NAV2: variants seen among roughly 807,000 people sequenced by gnomAD.
NAV2 encodes the protein helicase, APC down-regulated 1.
Under a neutral mutation model 223.2 loss-of-function variants are expected in NAV2, and 54 were observed. The observed-to-expected ratio is 0.24, with a 90% CI of 0.19 to 0.30. The LOEUF (loss-of-function observed/expected upper bound fraction) is 0.30, where lower values mean the gene tolerates loss of function less well. NAV2 is among the 10% of genes least tolerant of loss of function. The pLI, the probability that NAV2 is intolerant of heterozygous loss-of-function variation, is 1.00. For synonymous variants in NAV2, 1,279 were observed against 1,239.3 expected, an observed-to-expected ratio of 1.03 and a Z score of -0.67; for missense variants, 2,806 against 3,147.5, an observed-to-expected ratio of 0.89 and a Z score of 2.60.
chr11:19,439,192 G>A (rs1054940332), intron 1 of NAV2, among the ~76,000 whole-genome samples: 12 of 152,228 alleles, frequency 7.9e-5, no homozygotes, highest in Admixed American at 2.6e-4. Context: ...AGTTCCAAGC[G>A]TTTTAGAAAC....
intron 20 of NAV2, 32 bp from the exon 21 acceptor site, chr11:20,068,154 C>G (rs1483324592): frequency 6.2e-7 from 1 of 1,608,374 alleles, no homozygotes; most frequent in African/African-American, 1.3e-5. Context: ...TGTTCCTTAA[C>G]TGGTCTAATT....
intron 1 of NAV2, among the ~76,000 whole-genome samples, chr11:19,498,592 C>A (rs548909777): frequency 6.6e-6 from 1 of 152,220 alleles, no homozygotes; most frequent in Non-Finnish European, 1.5e-5. Context: ...ACTCACAAAT[C>A]CATTTGTTTA....
intron 1 of NAV2, among the ~76,000 whole-genome samples, chr11:19,648,456 C>T (rs79839023): frequency 0.013 from 2,043 of 152,266 alleles, 51 homozygotes; most frequent in African/African-American, 0.047. Flanking sequence ...AACATTTTCC[C>T]GCACATCACT....
At chr11:19,708,586 T>C (rs1408360959), upstream of NAV2, among the ~76,000 whole-genome samples, 1 of 152,070 alleles carries the variant, frequency 6.6e-6, no homozygotes, top group African/African-American at 2.4e-5. Flanking sequence ...ATGGAACTGG[T>C]CACTCACAGG....
intron 11 of NAV2, among the ~76,000 whole-genome samples, chr11:19,991,146 A>G (rs879197232): frequency 6.6e-6 from 1 of 152,270 alleles, no homozygotes; most frequent in African/African-American, 2.4e-5. Flanking sequence ...ATTTTTTGAG[A>G]CAGTGTTTCA....
intron 1 of NAV2, among the ~76,000 whole-genome samples, chr11:19,831,243 T>TGGGGGG (rs1565392533): frequency 6.5e-3 from 12 of 1,852 alleles, no homozygotes; most frequent in African/African-American, 0.012. Context: ...GGGGGCGCGA[T>TGGGGGG]GGGGAGTGGG....
At chr11:19,359,668 G>T (rs1286639021) in intron 1 of NAV2, among the ~76,000 whole-genome samples, 1 of 152,202 alleles carries the variant, frequency 6.6e-6, no homozygotes, top group Admixed American at 6.5e-5. Context: ...TTACCCAGAA[G>T]AGAAGGTGGA....
intron 1 of NAV2, among the ~76,000 whole-genome samples, chr11:19,379,815 C>T (rs562943262): frequency 1.3e-4 from 20 of 152,268 alleles, no homozygotes; most frequent in East Asian, 7.7e-4. Context: ...AATCCAGCCA[C>T]GTAATTCTCT....
At chr11:19,744,920 A>G (rs1343126582) in intron 1 of NAV2, among the ~76,000 whole-genome samples, 17 of 152,316 alleles carry the variant, frequency 1.1e-4, no homozygotes, top group Admixed American at 1.0e-3. Flanking sequence ...TTTTGCCGTC[A>G]TGAACAATGT....
intron 1 of NAV2, among the ~76,000 whole-genome samples, chr11:19,359,442 A>G (rs2133773273): frequency 6.6e-6 from 1 of 152,316 alleles, no homozygotes; most frequent in Admixed American, 6.5e-5. Context: ...TATAGGTAAG[A>G]TAAGAGGCAA....
chr11:20,049,767 A>G (rs1173000537), intron 15 of NAV2, 69 bp from the exon 16 acceptor site: 47 of 1,473,766 alleles, frequency 3.2e-5, no homozygotes, highest in Non-Finnish European at 3.7e-5. Context: ...AAAAATGTAT[A>G]TAACAACACC....
chr11:20,072,750 G>C (rs184143158), intron 22 of NAV2, among the ~76,000 whole-genome samples: 1 of 152,128 alleles, frequency 6.6e-6, no homozygotes, highest in African/African-American at 2.4e-5. Flanking sequence ...TGTTATTGGC[G>C]TATAGGAATG....
chr11:19,885,423 T>G (rs1181770816), intron 5 of NAV2, among the ~76,000 whole-genome samples: 1 of 152,240 alleles, frequency 6.6e-6, no homozygotes, highest in East Asian at 1.9e-4. Flanking sequence ...ACTCTTGGCT[T>G]TTTCTCTCAC....
chr11:19,873,629 C>T (rs1266865678), intron 4 of NAV2, among the ~76,000 whole-genome samples: 2 of 152,116 alleles, frequency 1.3e-5, no homozygotes, highest in Non-Finnish European at 2.9e-5. Context: ...CTCCTCCTTT[C>T]ATCCCAAGCT....
chr11:20,036,244 C>T (rs2056361003), intron 12 of NAV2, 147 bp downstream of exon 12: 1 of 918,090 alleles, frequency 1.1e-6, no homozygotes, highest in South Asian at 1.7e-5. Flanking sequence ...CTGCTCTCAC[C>T]TCCTGACCCT....
At chr11:19,680,425 T>G (rs2048851394) in intron 1 of NAV2, among the ~76,000 whole-genome samples, 1 of 152,166 alleles carries the variant, frequency 6.6e-6, no homozygotes. Flanking sequence ...AAGGGTTTTT[T>G]TCCCCTCCTC....
chr11:19,933,320 G>A lies in NAV2; in HGVS notation c.1076G>A (p.Arg359His), dbSNP rs746403439. The A allele has an allele frequency of 1.1e-5, 17 of 1,612,918 alleles. No individual in the cohort carries two copies. Among genetic ancestry groups the A allele is most frequent in the African/African-American group, 5.3e-5 (4 of 74,870 alleles). The change falls in exon 7 of 38, where the codon CGC becomes CAC. Residue 359 changes from arginine to histidine, a missense_variant. By Grantham distance (29) the Arg-to-His change is conservative. Around this residue, in one of 4 missense-constraint regions of NAV2, gnomAD observed 1,167 missense variants for 1,180.5 expected, o/e 0.99. Transcript: ENST00000349880. This position sits in a 1 kb window ranked among gnomAD's most constrained non-coding sequence, Gnocchi z 4.3. ...PQPGAATKPW[R>H]SKSLSVKHSA... is the part of the protein sequence containing the mutation. ...CCCGGTGCAGCCACCAAGCCTTGGC[G>A]CAGCAAATCCCTCAGCGTGAAGCAC...
intron 1 of NAV2, among the ~76,000 whole-genome samples, chr11:19,504,701 C>A (rs931916525): frequency 6.6e-5 from 10 of 152,164 alleles, no homozygotes; most frequent in African/African-American, 1.9e-4. Context: ...TTATAGTAAC[C>A]AACAGTGCTT....
intron 1 of NAV2, among the ~76,000 whole-genome samples, chr11:19,400,363 C>T (rs966826020): frequency 2.0e-5 from 3 of 152,162 alleles, no homozygotes; most frequent in Admixed American, 1.3e-4. Context: ...AGGTCCTAAC[C>T]GTGTGATAAG....
Sources: gnomAD v4.1 joint callset for allele counts (sites outside exome capture counted in the v4.1 genomes callset) on GRCh38, gnomAD v4.1.1 for gene constraint, gnomAD v4.1.1 regional missense constraint, Gnocchi (gnomAD v3.1) non-coding constraint, MANE v1.5 for transcripts, NCBI Gene and HGNC (gene_info 2026-07-23, HGNC 2026-07-21) for gene names.